DAPK2: variants seen among roughly 807,000 people sequenced by gnomAD.
The protein encoded by DAPK2 is death associated protein kinase 2.
Under a neutral mutation model 44.1 loss-of-function variants are expected in DAPK2, and 35 were observed. The ratio of observed to expected loss-of-function variants is 0.79; its 90% CI spans 0.61 to 1.05. The LOEUF (loss-of-function observed/expected upper bound fraction) is 1.05. DAPK2 is among the 50% of genes least tolerant of loss of function. The pLI, the probability that DAPK2 is intolerant of heterozygous loss-of-function variation, is 0.00. For synonymous variants in DAPK2, 174 were observed against 182.6 expected (o/e 0.95, Z 0.38); for missense variants, 453 against 483.2 (o/e 0.94, Z 0.59).
chr15:64,004,171 G>C (rs1049461539), intron 1 of DAPK2, among the ~76,000 whole-genome samples: 1 of 151,700 alleles, frequency 6.6e-6, no homozygotes, highest in African/African-American at 2.4e-5. Context: ...TAAATACCAG[G>C]TCTTTTGACC....
chr15:63,958,019 T>C (rs1345770768), intron 3 of DAPK2, among the ~76,000 whole-genome samples: 1 of 152,190 alleles, frequency 6.6e-6, no homozygotes, highest in Non-Finnish European at 1.5e-5. Flanking sequence ...TCAGAACCTG[T>C]TGTTTCCTTA....
intron 1 of DAPK2, among the ~76,000 whole-genome samples, chr15:63,993,373 G>C (rs1180178401): frequency 6.6e-6 from 1 of 152,186 alleles, no homozygotes; most frequent in Non-Finnish European, 1.5e-5. Context: ...TAAACAGGTG[G>C]CTCTGCAGAG....
At chr15:64,036,271 ATATGTGTGTGTG>A (rs1447252794) in intron 1 of DAPK2, among the ~76,000 whole-genome samples, 1 of 85,312 alleles carries the variant, frequency 1.2e-5, no homozygotes, top group Non-Finnish European at 2.4e-5. Flanking sequence ...AAATATATAT[ATATGTGTGTGTG>A]TGTGTGTGTG....
intron 10 of DAPK2, 198 bp downstream of exon 11, chr15:63,911,710 G>A: frequency 1.6e-6 from 1 of 609,548 alleles, no homozygotes. Context: ...TCCCCTCCCG[G>A]CACCACCCAG....
At chr15:63,937,103 G>A (rs947650085) in intron 4 of DAPK2, among the ~76,000 whole-genome samples, 2 of 152,088 alleles carry the variant, frequency 1.3e-5, no homozygotes, top group Non-Finnish European at 2.9e-5. Context: ...GAATATCAAA[G>A]GAATGGTGGG....
intron 2 of DAPK2, among the ~76,000 whole-genome samples, chr15:63,979,877 T>C (rs1437689703): frequency 6.6e-6 from 1 of 152,108 alleles, no homozygotes; most frequent in African/African-American, 2.4e-5. Flanking sequence ...ATCACGCCAC[T>C]GCACTCCAGC....
At chr15:63,962,649 G>A (rs2077941259) in intron 3 of DAPK2, among the ~76,000 whole-genome samples, 1 of 152,234 alleles carries the variant, frequency 6.6e-6, no homozygotes, top group East Asian at 1.9e-4. Flanking sequence ...ATCACCAGCG[G>A]AGGCTGCAGA....
At position 64,020,919 on chromosome 15, in the gene DAPK2, G is replaced by A. The variant is rs978262186; in HGVS notation, c.92+19251C>T. Among the ~76,000 whole-genome samples, 2 of 152,212 alleles carry A rather than the reference G, an allele frequency of 1.3e-5. No homozygotes were observed. Among genetic ancestry groups the A allele is most frequent in the African/African-American group, 4.8e-5 (2 of 41,452 alleles). ...CCACCAAAATGCCTTGTGACCCAGAGACAGAAAGTGCCTTGCCCAGGTGCA... is the reference window on the plus strand; with the variant it reads ...CCACCAAAATGCCTTGTGACCCAGAAACAGAAAGTGCCTTGCCCAGGTGCA... On this transcript the variant is annotated intron_variant, in intron 1 of 10. Transcript: ENST00000261891. This position sits in a 1 kb window ranked among gnomAD's most constrained non-coding sequence, Gnocchi z 4.5.
At position 63,922,988 on chromosome 15, in the gene DAPK2, T is replaced by C. The variant is rs1056012276; in HGVS notation, c.858+1828A>G. 4.6e-6 allele frequency: 7 copies of C among 1,535,770 alleles called. No homozygotes were observed. In the African/African-American group the frequency reaches 9.6e-5, roughly 21 times the overall value. On this transcript the variant is annotated intron_variant, in intron 8 of 10. Transcript: ENST00000261891. ...GAGGCTACATCCCGTGGCCTGGATGTCTTCTCGCAGCAGCTTCTTCAATGA... is the reference window on the plus strand; with the variant it reads ...GAGGCTACATCCCGTGGCCTGGATGCCTTCTCGCAGCAGCTTCTTCAATGA...
At chr15:63,981,584 C>T (rs1459435231) in intron 2 of DAPK2, among the ~76,000 whole-genome samples, 1 of 150,668 alleles carries the variant, frequency 6.6e-6, no homozygotes. Context: ...TGAGAGGAAC[C>T]ACAGAAAAAC....
At chr15:63,971,597 C>T (rs2078213746) in intron 2 of DAPK2, 36 bp from the exon 4 acceptor site, 1 of 1,607,468 alleles carries the variant, frequency 6.2e-7, no homozygotes. Context: ...GAGGCCCAGG[C>T]CCAGTCAGCT....
intron 3 of DAPK2, among the ~76,000 whole-genome samples, chr15:63,945,415 A>G (rs906994636): frequency 6.6e-6 from 1 of 152,194 alleles, no homozygotes; most frequent in African/African-American, 2.4e-5. Context: ...ATCCAGGGCC[A>G]GAGGCTCCTC....
chr15:63,923,273 C>G lies in DAPK2; in HGVS notation c.858+1543G>C. ...TGAGTGGCATTTGAGAGTGTACTCT[C>G]TCAGGTGCTTGGTCTTCAGCTGGGT... On this transcript the variant is annotated intron_variant, in intron 8 of 10. Transcript: ENST00000261891. The surrounding 1 kb of genome is among the most constrained non-coding windows in gnomAD (Gnocchi z 4.2). 6.5e-7 allele frequency: 1 copy of G among 1,535,940 alleles called. No individual in the cohort carries two copies. The highest frequency in any genetic ancestry group is 8.7e-7 in the Non-Finnish European group (1 of 1,146,726).
chr15:64,017,821 C>A (rs73456758), intron 1 of DAPK2, among the ~76,000 whole-genome samples: 1 of 152,178 alleles, frequency 6.6e-6, no homozygotes, highest in East Asian at 1.9e-4. Flanking sequence ...AAAGCAGCCA[C>A]ACTGGCCTGA....
intron 10 of DAPK2, among the ~76,000 whole-genome samples, chr15:63,910,170 C>T (rs1033491358): frequency 3.8e-5 from 5 of 132,518 alleles, no homozygotes; most frequent in Non-Finnish European, 6.5e-5. Flanking sequence ...GCATAGGAGA[C>T]GAGGAAAGCA....
intron 3 of DAPK2, chr15:63,942,068 C>A (rs2077324738): frequency 3.6e-6 from 1 of 277,078 alleles, no homozygotes; most frequent in Non-Finnish European, 5.5e-6. Flanking sequence ...GCCCAGGACA[C>A]CATCTCACAC....
chr15:63,958,729 C>A (rs547783107), intron 3 of DAPK2, among the ~76,000 whole-genome samples: 1 of 152,120 alleles, frequency 6.6e-6, no homozygotes, highest in South Asian at 2.1e-4. Flanking sequence ...GTTTTGGTAC[C>A]AGTACCATGC....
At chr15:63,984,529 A>G (rs2078618354) in intron 1 of DAPK2, among the ~76,000 whole-genome samples, 1 of 152,106 alleles carries the variant, frequency 6.6e-6, no homozygotes, top group Admixed American at 6.5e-5. Flanking sequence ...CCCTCCCCAC[A>G]GGGAAGGGCA....
chr15:63,940,262 T>A (rs1489211396), intron 3 of DAPK2, among the ~76,000 whole-genome samples: 1 of 151,992 alleles, frequency 6.6e-6, no homozygotes, highest in Admixed American at 6.6e-5. Context: ...AAAATATGTA[T>A]ACAAATGTTC....
Sources: allele counts gnomAD v4.1 joint callset (sites outside exome capture counted in the v4.1 genomes callset), GRCh38; gene constraint gnomAD v4.1.1; non-coding constraint Gnocchi (gnomAD v3.1); transcripts MANE v1.5; gene names NCBI Gene and HGNC (gene_info 2026-07-23, HGNC 2026-07-21).